JARID2: variants seen among roughly 807,000 people sequenced by gnomAD.
The protein encoded by JARID2 is protein Jumonji.
Under a neutral mutation model 125.6 loss-of-function variants are expected in JARID2, and 21 were observed. The observed-to-expected ratio is 0.17, with a 90% CI of 0.12 to 0.24. The LOEUF is 0.24. JARID2 is among the 10% of genes least tolerant of loss of function. The pLI is 1.00. For synonymous variants in JARID2, 736 were observed against 661.6 expected (o/e 1.11, Z -1.73); for missense variants, 1,303 against 1,639.6 (o/e 0.79, Z 3.55).
chr6:15,504,695 AAAG>A (rs764176123), intron 9 of JARID2, 103 bp downstream of exon 9: 57 of 747,222 alleles, frequency 7.6e-5, no homozygotes, highest in Admixed American at 3.8e-4. Flanking sequence ...CGGTGAACGG[AAAG>A]GACTCAGATG....
In JARID2 at chr6:15,392,680, C is replaced by CTTTTTTTTTT. The variant is rs35429221; in HGVS notation, c.182-17534_182-17525dup. 1.8e-4 allele frequency among the ~76,000 whole-genome samples: 22 copies of CTTTTTTTTTT among 120,888 alleles called. 1 individual carries two copies. Among genetic ancestry groups the CTTTTTTTTTT allele is most frequent in the African/African-American group, 7.2e-4 (22 of 30,650 alleles). 79.3% of individuals were successfully genotyped at this position (120,888 alleles called of 152,430 possible). ...GAGCTTTGCTGTTGTGATTAAGAGA[C>CTTTTTTTTTT]TTTTTTTTTTTTTTTTTTTGAGTCA... On this transcript the variant is annotated intron_variant, in intron 2 of 17. Coordinates refer to ENST00000341776, the MANE Select transcript of JARID2 (RefSeq NM_004973.4).
At chr6:15,338,512 A>G (rs1453898351) in intron 1 of JARID2, among the ~76,000 whole-genome samples, 2 of 152,240 alleles carry the variant, frequency 1.3e-5, no homozygotes, top group Non-Finnish European at 2.9e-5. Context: ...GAGGCCCCAT[A>G]TGTGCAGGCT....
intron 3 of JARID2, among the ~76,000 whole-genome samples, chr6:15,437,213 C>T (rs1021391300): frequency 2.0e-5 from 3 of 152,156 alleles, no homozygotes; most frequent in African/African-American, 7.2e-5. Flanking sequence ...TGGCAGTCTC[C>T]ACTGACTCCA....
At chr6:15,351,633 G>T (rs1324931009) in intron 1 of JARID2, among the ~76,000 whole-genome samples, 1 of 152,172 alleles carries the variant, frequency 6.6e-6, no homozygotes, top group Non-Finnish European at 1.5e-5. Context: ...TGTGTTCTGG[G>T]AGCCAATCCT....
intron 1 of JARID2, among the ~76,000 whole-genome samples, chr6:15,337,921 C>G (rs915946020): frequency 3.3e-5 from 5 of 152,092 alleles, no homozygotes; most frequent in African/African-American, 1.2e-4. Flanking sequence ...AAAGAAAAAC[C>G]AGGTCTGAGG....
chr6:15,513,582 G>A (rs1198005357), intron 16 of JARID2, among the ~76,000 whole-genome samples, 160 bp downstream of exon 16: 1 of 152,228 alleles, frequency 6.6e-6, no homozygotes, highest in Non-Finnish European at 1.5e-5. Context: ...TCTGGCCGCC[G>A]GAGGTGGCTG....
chr6:15,397,708 T>C (rs1581503052), intron 2 of JARID2, among the ~76,000 whole-genome samples: 1 of 152,240 alleles, frequency 6.6e-6, no homozygotes, highest in South Asian at 2.1e-4. Flanking sequence ...AAATCAAAAG[T>C]TGACACCTGC....
intron 1 of JARID2, among the ~76,000 whole-genome samples, chr6:15,269,824 A>T (rs1248063650): frequency 6.6e-6 from 1 of 152,146 alleles, no homozygotes; most frequent in African/African-American, 2.4e-5. Flanking sequence ...AGTGACTTGG[A>T]TGGGATCCCC....
At chr6:15,265,090 G>A (rs890205824) in intron 1 of JARID2, among the ~76,000 whole-genome samples, 2 of 152,192 alleles carry the variant, frequency 1.3e-5, no homozygotes, top group African/African-American at 4.8e-5. Context: ...ATCCATTCCA[G>A]TGCGCAGTGT....
intron 10 of JARID2, 29 bp downstream of exon 10, chr6:15,507,283 T>C: frequency 1.2e-6 from 2 of 1,603,620 alleles, no homozygotes; most frequent in Non-Finnish European, 1.7e-6. Flanking sequence ...GTCCAGGTTC[T>C]TGGGGATGTG....
intron 2 of JARID2, among the ~76,000 whole-genome samples, chr6:15,393,309 C>T (rs1390059797): frequency 6.6e-6 from 1 of 152,236 alleles, no homozygotes; most frequent in African/African-American, 2.4e-5. Context: ...TAATAAACTA[C>T]AGCCTAGCAA....
At position 15,416,289 on chromosome 6, in the gene JARID2, G is replaced by A. The variant is rs545759283; in HGVS notation, c.323+5924G>A. On this transcript the variant is annotated intron_variant, in intron 3 of 17. Transcript: ENST00000341776. The stretch of plus-strand genomic sequence containing the variant: ...CTTCTCACTTCCCAGACGGGGTGGC[G>A]GCCGGGCAGAGGCTGCAATCTCGGC... Among the ~76,000 whole-genome samples the A allele has an allele frequency of 7.3e-3, 1,113 of 152,228 alleles. 14 individuals are homozygous for A. The highest frequency in any genetic ancestry group is 0.025 in the African/African-American group (1,050 of 41,546).
At chr6:15,350,858 A>C (rs1763399668) in intron 1 of JARID2, among the ~76,000 whole-genome samples, 2 of 151,798 alleles carry the variant, frequency 1.3e-5, no homozygotes, top group South Asian at 2.1e-4. Context: ...TTGCAAAATA[A>C]CTCCCAAATA....
intron 12 of JARID2, among the ~76,000 whole-genome samples, chr6:15,510,002 T>C (rs1177913455): frequency 6.6e-6 from 1 of 151,808 alleles, no homozygotes; most frequent in Non-Finnish European, 1.5e-5. Flanking sequence ...ACATGAGCAT[T>C]AAAAAAAATA....
rs1035400421 is a variant in JARID2, at chr6:15,509,694, T to A, written c.2846+1240T>A. ...GCCATTTCCTGTGGAGGAGTTACACTGGCTGTGGCATGGCCTGTGTTCTGG... is the reference window on the plus strand; with the variant it reads ...GCCATTTCCTGTGGAGGAGTTACACAGGCTGTGGCATGGCCTGTGTTCTGG... On this transcript the variant is annotated intron_variant, in intron 12 of 17. Coordinates refer to ENST00000341776, the MANE Select transcript of JARID2 (RefSeq NM_004973.4). 3.3e-5 allele frequency among the ~76,000 whole-genome samples: 5 copies of A among 152,204 alleles called. No individual in the cohort carries two copies. The East Asian group carries it at 9.6e-4, about 29-fold the overall frequency.
In JARID2 at chr6:15,487,416, C is replaced by T. The variant is rs1318196866; in HGVS notation, c.780C>T (p.Ser260=). The T allele has an allele frequency of 6.2e-7, 1 of 1,614,140 alleles. No homozygotes were observed. The highest frequency in any genetic ancestry group is 8.5e-7 in the Non-Finnish European group (1 of 1,180,054). Residue 260 remains serine (S), a synonymous_variant, in exon 6 of 18, where the codon AGC becomes AGT. Coordinates refer to ENST00000341776, the MANE Select transcript of JARID2 (RefSeq NM_004973.4). The part of the protein sequence containing the change: ...KEKHSDHRAD[S]RREQASANHP... ...AGCACAGCGATCACCGGGCTGACAG[C>T]CGCCGGGAGCAGGCTTCAGCTAACC...
At chr6:15,398,074 G>A (rs1236431298) in intron 2 of JARID2, among the ~76,000 whole-genome samples, 1 of 152,136 alleles carries the variant, frequency 6.6e-6, no homozygotes, top group East Asian at 1.9e-4. Context: ...ATTGGAACCT[G>A]TTTTGTAAAG....
Position 15,400,896 on chromosome 6 carries a change from TCCCTC to T in JARID2, c.182-9325_182-9321del, listed in dbSNP as rs1765404716. The T allele has an allele frequency of 3.9e-6, 5 of 1,288,416 alleles. No individual in the cohort carries two copies. In the South Asian group the frequency reaches 6.2e-5, roughly 16 times the overall value. The allele number at this position is 1,288,416 out of a possible 1,614,324, so 79.8% of individuals were successfully genotyped here. On this transcript the variant is annotated intron_variant, in intron 2 of 17. Transcript: ENST00000341776. Reference sequence around the variant, plus strand: ...CCTGCCTCACTGCGCTCTTCCTCCCTCCCTCCCTCTGTCCTTCTTCCTCTCTGTCT... The same window carrying T: ...CCTGCCTCACTGCGCTCTTCCTCCCTCCTCTGTCCTTCTTCCTCTCTGTCT...
At chr6:15,287,607 G>A (rs1455007526) in intron 1 of JARID2, among the ~76,000 whole-genome samples, 1 of 152,168 alleles carries the variant, frequency 6.6e-6, no homozygotes, top group African/African-American at 2.4e-5. Context: ...AAGTGAATAT[G>A]GGACTGTTTC....
Sources: gnomAD v4.1 joint callset for allele counts (sites outside exome capture counted in the v4.1 genomes callset) on GRCh38, gnomAD v4.1.1 for gene constraint, MANE v1.5 for transcripts, NCBI Gene and HGNC (gene_info 2026-07-23, HGNC 2026-07-21) for gene names.